The following GLOD5 variants were observed in gnomAD, a reference collection of about 807,000 sequenced individuals.
GLOD5 encodes glyoxalase domain-containing protein 5.
GLOD5 carries 7 observed loss-of-function variants against 9.9 expected under a neutral mutation model. The ratio of observed to expected loss-of-function variants is 0.71; its 90% CI spans 0.40 to 1.33. The LOEUF (loss-of-function observed/expected upper bound fraction) is 1.33. Ranked by LOEUF, GLOD5 falls within the 40% of genes most tolerant of loss-of-function variation. The pLI, the probability that GLOD5 is intolerant of heterozygous loss-of-function variation, is 0.01. For missense variants in GLOD5, 146 were observed against 128.4 expected (o/e 1.14, Z -0.66); for synonymous variants, 49 against 47.3 (o/e 1.04, Z -0.14).
chrX:48,766,985 C>CAAAAAAAAAAAAAAAAAAAAAAAAAAAA (rs782648787), intron 2 of GLOD5, among the ~76,000 whole-genome samples: 36 of 3,018 alleles, frequency 0.012, 15 homozygotes, highest in Admixed American at 0.032. Context: ...GATTCCATCT[C>CAAAAAAAAAAAAAAAAAAAAAAAAAAAA]AAAAAAAAAA....
chrX:48,764,198 T>C (rs1448355680), intron 1 of GLOD5, among the ~76,000 whole-genome samples: 1 of 111,558 alleles, frequency 9.0e-6, no homozygotes, highest in East Asian at 2.8e-4. Flanking sequence ...GAGACAGGCA[T>C]TACCATCTGC....
intron 1 of GLOD5, among the ~76,000 whole-genome samples, chrX:48,762,551 G>C (rs2062599116): frequency 9.5e-6 from 1 of 105,669 alleles, no homozygotes; most frequent in South Asian, 4.3e-4. Context: ...CGATTCTCCT[G>C]CCTCAGCCTC....
At chrX:48,767,190 T>C (rs782559956) in intron 2 of GLOD5, among the ~76,000 whole-genome samples, 3 of 107,283 alleles carry the variant, frequency 2.8e-5, no homozygotes, top group Admixed American at 1.0e-4. Context: ...GAGATTGAAC[T>C]ACCCTTGAGA....
Position 48,773,332 on chromosome X carries a change from A to G in GLOD5, c.380A>G (p.Glu127Gly). The change falls in exon 4 of 4, where the codon GAG (glutamate) becomes GGG (glycine). Residue 127 changes from glutamate to glycine, a missense_variant. By Grantham distance (98) the Glu-to-Gly change is moderately conservative. Coordinates refer to ENST00000303227, the MANE Select transcript of GLOD5 (RefSeq NM_001080489.3). The part of the protein sequence containing the change: ...HLKACDVPIE[E>G]GPVPRTGAKG... ...CAGGCTTGTGATGTCCCTATTGAGG[A>G]GGGGCCAGTCCCCAGAACAGGGGCA... is the stretch of plus-strand genomic sequence containing the variant. 3 of 1,209,954 alleles carry G rather than the reference A, an allele frequency of 2.5e-6. No individual in the cohort carries two copies. The highest frequency in any genetic ancestry group is 3.4e-6 in the Non-Finnish European group (3 of 894,320).
At chrX:48,768,478 G>A (rs2062614397) in intron 2 of GLOD5, among the ~76,000 whole-genome samples, 1 of 112,027 alleles carries the variant, frequency 8.9e-6, no homozygotes, top group East Asian at 2.8e-4. Flanking sequence ...ATAACGAGGT[G>A]TATGATGCCT....
chrX:48,764,355 A>ACAT (rs782386810), intron 1 of GLOD5, among the ~76,000 whole-genome samples: 1 of 110,822 alleles, frequency 9.0e-6, no homozygotes, highest in African/African-American at 3.3e-5. Context: ...AGATGACCAC[A>ACAT]CATCATCATC....
At chrX:48,762,098 G>A (rs1243640757) in intron 1 of GLOD5, among the ~76,000 whole-genome samples, 5 of 111,231 alleles carry the variant, frequency 4.5e-5, no homozygotes, top group Non-Finnish European at 9.4e-5. Flanking sequence ...GTTTAGCCAG[G>A]GACAGGTGGA....
chrX:48,767,804 G>T (rs1602207444), intron 2 of GLOD5, among the ~76,000 whole-genome samples: 1 of 111,165 alleles, frequency 9.0e-6, no homozygotes, highest in African/African-American at 3.3e-5. Flanking sequence ...AAAAGAAGTG[G>T]GGGAGGCTGT....
intron 2 of GLOD5, among the ~76,000 whole-genome samples, chrX:48,769,526 A>T (rs782529296): frequency 9.0e-6 from 1 of 110,997 alleles, no homozygotes; most frequent in African/African-American, 3.3e-5. Flanking sequence ...GTCTCTTAAA[A>T]AAATAAATAA....
At chrX:48,763,801 A>C (rs1557016273) in intron 1 of GLOD5, among the ~76,000 whole-genome samples, 1 of 112,779 alleles carries the variant, frequency 8.9e-6, no homozygotes, top group Non-Finnish European at 1.9e-5. Flanking sequence ...TCCTATGTCC[A>C]TGTGGATCTT....
chrX:48,771,226 T>G, intron 3 of GLOD5, 144 bp downstream of exon 3: 1 of 371,679 alleles, frequency 2.7e-6, no homozygotes, highest in Non-Finnish European at 4.4e-6. Flanking sequence ...AATTCTTTCA[T>G]GTAAATAAAT....
rs781929178 is a variant in GLOD5, at chrX:48,773,458, C to T, written c.*23C>T. On this transcript the variant is annotated 3_prime_UTR_variant, in exon 4 of 4. Coordinates refer to ENST00000303227, the MANE Select transcript of GLOD5 (RefSeq NM_001080489.3). ...TGATGGAGGCTGGACCTCCTCCATT[C>T]TGTCCCCCTTGATGTCGCCCTCTCC... 4.2e-6 allele frequency: 5 copies of T among 1,202,617 alleles called. No individual in the cohort carries two copies. Among genetic ancestry groups the T allele is most frequent in the Non-Finnish European group, 5.6e-6 (5 of 889,590 alleles).
At chrX:48,773,277 A>G (rs374095708) in intron 3 of GLOD5, 33 bp from the exon 4 acceptor site, 25 of 1,206,045 alleles carry the variant, frequency 2.1e-5, no homozygotes, top group Non-Finnish European at 2.5e-5. Context: ...ACACATTTTG[A>G]CGAACGACTT....
intron 2 of GLOD5, among the ~76,000 whole-genome samples, chrX:48,770,144 G>A (rs1191039286): frequency 9.1e-6 from 1 of 109,898 alleles, no homozygotes; most frequent in Non-Finnish European, 1.9e-5. Context: ...GCATGGTGGC[G>A]TGTGCCTGTA....
chrX:48,773,277 A>T (rs374095708), intron 3 of GLOD5, 33 bp from the exon 4 acceptor site: 1 of 1,208,437 alleles, frequency 8.3e-7, no homozygotes, highest in Non-Finnish European at 1.1e-6. Context: ...ACACATTTTG[A>T]CGAACGACTT....
chrX:48,767,553 C>T (rs2062612447), intron 2 of GLOD5, among the ~76,000 whole-genome samples: 1 of 111,054 alleles, frequency 9.0e-6, no homozygotes, highest in East Asian at 2.8e-4. Flanking sequence ...TGAGGCCAGC[C>T]TATAATCCCA....
intron 1 of GLOD5, among the ~76,000 whole-genome samples, chrX:48,762,585 C>T (rs1179887161): frequency 2.8e-5 from 3 of 108,567 alleles, no homozygotes; most frequent in Admixed American, 9.9e-5. Flanking sequence ...TACAGGTGCA[C>T]GTCACCATGC....
intron 2 of GLOD5, among the ~76,000 whole-genome samples, chrX:48,768,003 T>C (rs2062613460): frequency 8.9e-6 from 1 of 111,748 alleles, no homozygotes; most frequent in African/African-American, 3.3e-5. Context: ...TCTCACTCTG[T>C]TGCCTAGGCT....
intron 1 of GLOD5, chrX:48,765,598 A>AAAG: frequency 2.5e-6 from 1 of 396,419 alleles, no homozygotes; most frequent in Non-Finnish European, 4.6e-6. Flanking sequence ...AAAAAAAAAA[A>AAAG]AAAAGAAAAG....
Sources: gnomAD v4.1 joint callset for allele counts (sites outside exome capture counted in the v4.1 genomes callset) on GRCh38, gnomAD v4.1.1 for gene constraint, MANE v1.5 for transcripts, NCBI Gene and HGNC (gene_info 2026-07-23, HGNC 2026-07-21) for gene names.